Variants in LRIG2 observed in about 807,000 individuals in gnomAD.
LRIG2 encodes the protein leucine-rich repeats and immunoglobulin-like domains protein 2.
Under a neutral mutation model 107.8 loss-of-function variants are expected in LRIG2, and 93 were observed. The observed-to-expected ratio is 0.86, with a 90% CI of 0.73 to 1.03. LRIG2 has a LOEUF of 1.03. Among genes scored for constraint, LRIG2 ranks in the 50% least tolerant of loss-of-function variants. The probability of loss-of-function intolerance (pLI) is 0.00; values close to 1 mark genes in which losing one functional copy is unlikely to be tolerated. For synonymous variants in LRIG2, 471 were observed against 470.6 expected, an observed-to-expected ratio of 1.00 and a Z score of -0.01; for missense variants, 1,226 against 1,296.0, an observed-to-expected ratio of 0.95 and a Z score of 0.83.
In LRIG2 at chr1:113,077,238, G is replaced by A. The variant is rs558367827; in HGVS notation, c.239+3593G>A. Reference sequence around the variant, plus strand: ...CGGCTCACTGCAACCTCTGTCGCCCGGGTTCAAGTGATTCTCCTGCCTCAG... The same window carrying A: ...CGGCTCACTGCAACCTCTGTCGCCCAGGTTCAAGTGATTCTCCTGCCTCAG... On this transcript the variant is annotated intron_variant, in intron 1 of 17. Coordinates refer to ENST00000361127, the MANE Select transcript of LRIG2 (RefSeq NM_014813.3). Among the ~76,000 whole-genome samples the A allele has an allele frequency of 1.1e-3, 172 of 151,730 alleles. 3 individuals are homozygous for A. Among genetic ancestry groups the A allele is most frequent in the Middle Eastern group, 3.4e-3 (1 of 294 alleles).
intron 1 of LRIG2, among the ~76,000 whole-genome samples, chr1:113,081,178 T>C (rs1381582179): frequency 6.6e-6 from 1 of 152,150 alleles, no homozygotes; most frequent in African/African-American, 2.4e-5. Flanking sequence ...CATCTGACTC[T>C]GCATCTGGGA....
At chr1:113,083,476 G>A (rs536283571) in intron 1 of LRIG2, among the ~76,000 whole-genome samples, 1 of 151,342 alleles carries the variant, frequency 6.6e-6, no homozygotes, top group African/African-American at 2.4e-5. Flanking sequence ...CTCCCGAGTA[G>A]CTGGGATTAC....
At chr1:113,076,070 A>C (rs1410652246) in intron 1 of LRIG2, among the ~76,000 whole-genome samples, 1 of 150,140 alleles carries the variant, frequency 6.7e-6, no homozygotes, top group Non-Finnish European at 1.5e-5. Context: ...CAGTGGCACG[A>C]TCTCGGCTCA....
chr1:113,108,900 A>C (rs1654652573), intron 12 of LRIG2, among the ~76,000 whole-genome samples: 1 of 151,902 alleles, frequency 6.6e-6, no homozygotes, highest in Non-Finnish European at 1.5e-5. Context: ...TTTTTTCTTT[A>C]AAGTGGAATG....
chr1:113,097,856 A>G (rs775850159), intron 8 of LRIG2, among the ~76,000 whole-genome samples: 1 of 152,168 alleles, frequency 6.6e-6, no homozygotes, highest in African/African-American at 2.4e-5. Context: ...GAGTTGAGCC[A>G]TTGGTTCTTT....
chr1:113,117,067 TAAATG>T (rs1482171916), intron 16 of LRIG2, among the ~76,000 whole-genome samples: 3 of 152,110 alleles, frequency 2.0e-5, no homozygotes, highest in Admixed American at 2.0e-4. Flanking sequence ...GTTCCCTAAT[TAAATG>T]AACCTGACAT....
chr1:113,093,567 A>G lies in LRIG2; in HGVS notation c.515+3A>G. 6.4e-7 allele frequency: 1 copy of G among 1,551,952 alleles called. No individual in the cohort carries two copies. The highest frequency in any genetic ancestry group is 8.8e-7 in the Non-Finnish European group (1 of 1,142,690). ...CCTCGCATGCAGCTTAAATACCTGT[A>G]AGTAACACAGATTAAATTAGATTTA... On this transcript the variant is annotated splice_donor_region_variant and intron_variant, in intron 4 of 17. Coordinates refer to ENST00000361127, the MANE Select transcript of LRIG2 (RefSeq NM_014813.3).
rs1655499870 is a variant in LRIG2, at chr1:113,126,765, T to G, written c.*2664T>G. 6.3e-6 allele frequency: 1 copy of G among 158,524 alleles called. No homozygotes were observed. The highest frequency in any genetic ancestry group is 2.4e-5 in the African/African-American group (1 of 41,462). 9.8% of individuals were successfully genotyped at this position (158,524 alleles called of 1,614,324 possible). A position where few individuals can be genotyped will look rare whatever the true frequency, so the allele number is the denominator to read the frequency against. ...CCTGATTCTTGTGGGGAATCCTCTT[T>G]AATTTGTTGTAACCTTCTCAGCAAC... On this transcript the variant is annotated 3_prime_UTR_variant, in exon 18 of 18. Coordinates refer to ENST00000361127, the MANE Select transcript of LRIG2 (RefSeq NM_014813.3).
chr1:113,076,459 A>T (rs1433404706), intron 1 of LRIG2, among the ~76,000 whole-genome samples: 1 of 152,234 alleles, frequency 6.6e-6, no homozygotes, highest in African/African-American at 2.4e-5. Context: ...ATGTCCTATA[A>T]TGAAATGACA....
At chr1:113,109,188 T>C (rs980976889) in intron 12 of LRIG2, among the ~76,000 whole-genome samples, 4 of 152,238 alleles carry the variant, frequency 2.6e-5, no homozygotes, top group Non-Finnish European at 5.9e-5. Context: ...AATATAGACA[T>C]ACCATATATT....
intron 11 of LRIG2, among the ~76,000 whole-genome samples, chr1:113,104,775 C>T (rs1654461675): frequency 6.6e-6 from 1 of 152,132 alleles, no homozygotes; most frequent in Non-Finnish European, 1.5e-5. Flanking sequence ...GGCCCATATC[C>T]TAACTCTACC....
rs1655605720 is a variant in LRIG2, at chr1:113,129,198, C to T, written c.*5097C>T. On this transcript the variant is annotated 3_prime_UTR_variant, in exon 18 of 18. Transcript: ENST00000361127. ...TGGTGGTGCGCGCCTGTAGTCCTAG[C>T]TGCTCGGGAGGCTAAGGCAGGAGAA... The T allele has an allele frequency of 6.6e-6, 1 of 150,824 alleles. No homozygotes were observed. The highest frequency in any genetic ancestry group is 6.7e-5 in the Admixed American group (1 of 14,932). The allele number at this position is 150,824 out of a possible 1,614,324, so 9.3% of individuals were successfully genotyped here.
chr1:113,094,395 C>G lies in LRIG2; in HGVS notation c.572C>G (p.Ser191Ter), dbSNP rs759934553. The change falls in exon 5 of 18, where the codon TCA (serine) becomes TGA (stop). Residue 191 changes from serine (S) to a stop codon, truncating the protein, a stop_gained. Transcript: ENST00000361127. LOFTEE classifies it high-confidence loss of function. ...TLEAGCFDNL[S>*]SSLLVVKLNR... ...GAGGCTGGTTGCTTCGATAATTTATCAAGTTCCTTATTAGTGGTAAAGTTA... is the reference window on the plus strand; with the variant it reads ...GAGGCTGGTTGCTTCGATAATTTATGAAGTTCCTTATTAGTGGTAAAGTTA... The G allele has an allele frequency of 1.2e-6, 2 of 1,613,008 alleles. No individual in the cohort carries two copies. The highest frequency in any genetic ancestry group is 1.7e-6 in the Non-Finnish European group (2 of 1,179,578).
chr1:113,113,093 G>A (rs1476595623), intron 14 of LRIG2, among the ~76,000 whole-genome samples: 5 of 151,130 alleles, frequency 3.3e-5, no homozygotes, highest in Non-Finnish European at 7.4e-5. Flanking sequence ...TGCATTGAGA[G>A]TTCCACTGTT....
chr1:113,082,229 GC>G (rs1173249817), intron 1 of LRIG2, among the ~76,000 whole-genome samples: 1 of 152,146 alleles, frequency 6.6e-6, no homozygotes, highest in East Asian at 1.9e-4. Context: ...GCAAATGTGA[GC>G]CTTTAAAATC....
At chr1:113,093,787 TAAAAA>T (rs1336909090) in intron 4 of LRIG2, among the ~76,000 whole-genome samples, 11 of 152,014 alleles carry the variant, frequency 7.2e-5, no homozygotes, top group African/African-American at 2.4e-4. Context: ...AATAAATAAA[TAAAAA>T]TAAAATAAAA....
chr1:113,079,360 A>G (rs952643781), intron 1 of LRIG2, among the ~76,000 whole-genome samples: 1 of 150,910 alleles, frequency 6.6e-6, no homozygotes, highest in Admixed American at 6.6e-5. Flanking sequence ...AAAAAAAAAA[A>G]AAAGAAGAGA....
intron 1 of LRIG2, among the ~76,000 whole-genome samples, chr1:113,079,520 T>C (rs1653156714): frequency 6.7e-6 from 1 of 149,162 alleles, no homozygotes; most frequent in Admixed American, 6.7e-5. Context: ...CCATCTCTAC[T>C]AAAAATACAA....
rs775553426 is a variant in LRIG2, at chr1:113,098,799, T to C, written c.1172+14T>C. ...TCTCACTAAACTGTATGTATTATAATATTTATGTATGTCTACATAGGCATG... is the reference window on the plus strand; with the variant it reads ...TCTCACTAAACTGTATGTATTATAACATTTATGTATGTCTACATAGGCATG... On this transcript the variant is annotated intron_variant, in intron 9 of 17. Coordinates refer to ENST00000361127, the MANE Select transcript of LRIG2 (RefSeq NM_014813.3). The C allele has an allele frequency of 1.3e-6, 2 of 1,490,022 alleles. No homozygotes were observed. Among genetic ancestry groups the C allele is most frequent in the South Asian group, 2.3e-5 (2 of 88,478 alleles). The allele number at this position is 1,490,022 out of a possible 1,614,324, so 92.3% of individuals were successfully genotyped here.
Sources: gnomAD v4.1 joint callset for allele counts (sites outside exome capture counted in the v4.1 genomes callset) on GRCh38, gnomAD v4.1.1 for gene constraint, MANE v1.5 for transcripts, NCBI Gene and HGNC (gene_info 2026-07-23, HGNC 2026-07-21) for gene names.